The following TANC2 variants were observed in gnomAD, a reference collection of about 807,000 sequenced individuals.
TANC2 encodes the protein tetratricopeptide repeat, ankyrin repeat and coiled-coil containing 2.
In TANC2, 26 loss-of-function variants were observed where a neutral mutation model predicts 210.5. The observed-to-expected ratio is 0.12, with a 90% CI of 0.09 to 0.17. TANC2 has a LOEUF of 0.17. TANC2 is among the 10% of genes least tolerant of loss of function. The probability of loss-of-function intolerance (pLI) is 1.00; values close to 1 mark genes in which losing one functional copy is unlikely to be tolerated. For synonymous variants in TANC2, 931 were observed against 967.1 expected (o/e 0.96, Z 0.69); for missense variants, 2,129 against 2,608.9 (o/e 0.82, Z 4.01).
At chr17:63,361,892 G>A (rs963916373) in intron 14 of TANC2, among the ~76,000 whole-genome samples, 3 of 152,220 alleles carry the variant, frequency 2.0e-5, no homozygotes, top group African/African-American at 7.2e-5. Flanking sequence ...GGTCATCCCT[G>A]CAAGTGTCCA....
At chr17:63,314,356 A>G in intron 9 of TANC2, 32 bp from the exon 10 acceptor site, 1 of 1,605,586 alleles carries the variant, frequency 6.2e-7, no homozygotes, top group Non-Finnish European at 8.5e-7. Flanking sequence ...TGACAGTTTG[A>G]CCTAAGTTCT....
intron 7 of TANC2, among the ~76,000 whole-genome samples, chr17:63,217,691 C>T (rs80296592): frequency 0.011 from 1,720 of 152,266 alleles, 22 homozygotes; most frequent in Non-Finnish European, 0.017. Flanking sequence ...TACACAGACT[C>T]CTCCAGGAAG....
intron 4 of TANC2, among the ~76,000 whole-genome samples, chr17:63,129,718 T>A (rs2145207838): frequency 6.6e-6 from 1 of 152,258 alleles, no homozygotes; most frequent in East Asian, 1.9e-4. Flanking sequence ...ATGAGTCCAA[T>A]TAGATTAGAA....
chr17:63,004,693 C>A, intron 1 of TANC2: 2 of 312,314 alleles, frequency 6.4e-6, no homozygotes, highest in South Asian at 3.7e-5. Context: ...CCACAGTTGT[C>A]AAAAATGCAC....
intron 7 of TANC2, among the ~76,000 whole-genome samples, chr17:63,213,839 G>A (rs2440138): frequency 0.07 from 10,703 of 152,236 alleles, 670 homozygotes; most frequent in African/African-American, 0.16. Flanking sequence ...TTAGCTTTAA[G>A]AATATCTAGC....
intron 3 of TANC2, among the ~76,000 whole-genome samples, chr17:63,077,813 TATTTG>T (rs1568365977): frequency 6.6e-6 from 1 of 152,188 alleles, no homozygotes; most frequent in Non-Finnish European, 1.5e-5. Flanking sequence ...CTTCATTATT[TATTTG>T]ATTTGGACTA....
chr17:63,246,263 T>C (rs896761172), intron 8 of TANC2, among the ~76,000 whole-genome samples: 24 of 152,072 alleles, frequency 1.6e-4, no homozygotes, highest in African/African-American at 3.9e-4. Context: ...TGTTTTTTTT[T>C]CTAAAGCAGC....
At chr17:63,099,441 C>T in intron 4 of TANC2, 84 bp downstream of exon 4, 1 of 1,032,926 alleles carries the variant, frequency 9.7e-7, no homozygotes. Flanking sequence ...TGTATATTTG[C>T]ATCTTTAGGT....
chr17:63,137,875 A>T (rs1329394970), intron 4 of TANC2, among the ~76,000 whole-genome samples: 1 of 152,196 alleles, frequency 6.6e-6, no homozygotes, highest in African/African-American at 2.4e-5. Context: ...TTAATACAGG[A>T]TCTGCTACTT....
Position 63,095,203 on chromosome 17 carries a change from T to C in TANC2, c.140-3972T>C, listed in dbSNP as rs146117169. Among the ~76,000 whole-genome samples, 357 of 152,058 alleles carry C rather than the reference T, an allele frequency of 2.3e-3. 2 individuals carry two copies. Among genetic ancestry groups the C allele is most frequent in the Non-Finnish European group, 3.6e-3 (244 of 67,956 alleles). ...GTTGTTTTTTTCAGTAGAGACAGGG[T>C]CTTACTCTGTTGCCCAGGCCAAAGT... On this transcript the variant is annotated intron_variant, in intron 3 of 27. Transcript: ENST00000689528.
chr17:63,319,784 A>G (rs796289352), intron 11 of TANC2, among the ~76,000 whole-genome samples: 1 of 152,142 alleles, frequency 6.6e-6, no homozygotes, highest in African/African-American at 2.4e-5. Context: ...TGAAATTTCT[A>G]TTTTTTTCAA....
At chr17:63,148,010 G>T (rs2145372824) in intron 4 of TANC2, among the ~76,000 whole-genome samples, 1 of 152,088 alleles carries the variant, frequency 6.6e-6, no homozygotes, top group East Asian at 1.9e-4. Context: ...ACTGTTTTGA[G>T]GATTTTATTT....
intron 4 of TANC2, among the ~76,000 whole-genome samples, chr17:63,130,666 A>G (rs900993493): frequency 5.9e-5 from 9 of 152,170 alleles, no homozygotes; most frequent in African/African-American, 2.2e-4. Flanking sequence ...CCTAAACTTT[A>G]TTATAATTGA....
intron 5 of TANC2, among the ~76,000 whole-genome samples, chr17:63,180,125 C>A (rs910044786): frequency 6.6e-6 from 1 of 152,022 alleles, no homozygotes; most frequent in Non-Finnish European, 1.5e-5. Context: ...CAAAGTGAGA[C>A]CCTATCTCAA....
chr17:63,074,720 CAAT>C (rs2036514603), intron 3 of TANC2, among the ~76,000 whole-genome samples: 1 of 151,854 alleles, frequency 6.6e-6, no homozygotes, highest in Non-Finnish European at 1.5e-5. Context: ...CCTTATGTGC[CAAT>C]AATAAGTACA....
chr17:63,217,880 T>A (rs1269324273), intron 7 of TANC2, among the ~76,000 whole-genome samples: 1 of 152,178 alleles, frequency 6.6e-6, no homozygotes, highest in Admixed American at 6.5e-5. Flanking sequence ...ACTAATGGGT[T>A]TTATACCAGG....
intron 9 of TANC2, among the ~76,000 whole-genome samples, chr17:63,293,751 GT>G (rs1157410198): frequency 1.3e-5 from 2 of 151,188 alleles, no homozygotes; most frequent in Admixed American, 6.6e-5. Flanking sequence ...TTTTGTTTTT[GT>G]TTTTTTTCCC....
At chr17:63,009,426 A>C in intron 1 of TANC2, 111 bp from the exon 2 acceptor site, 2 of 657,540 alleles carry the variant, frequency 3.0e-6, no homozygotes, top group East Asian at 2.7e-5. Context: ...CAAACAGTCC[A>C]GTTGTACCCT....
At chr17:63,236,186 T>TA (rs2042614900) in intron 7 of TANC2, among the ~76,000 whole-genome samples, 1 of 152,084 alleles carries the variant, frequency 6.6e-6, no homozygotes. Context: ...TAGGGACCGC[T>TA]GAGGCTCTCC....
Sources: gnomAD v4.1 joint callset for allele counts (sites outside exome capture counted in the v4.1 genomes callset) on GRCh38, gnomAD v4.1.1 for gene constraint, MANE v1.5 for transcripts, NCBI Gene and HGNC (gene_info 2026-07-23, HGNC 2026-07-21) for gene names.